The following RELL1 variants were observed in gnomAD, a reference collection of about 807,000 sequenced individuals.
RELL1 encodes RELT like 1, also known as RELT-like protein 1.
A neutral mutation model predicts 23.0 loss-of-function variants in RELL1; 10 were observed. The observed-to-expected ratio is 0.43, with a 90% CI of 0.27 to 0.74. The LOEUF is 0.74. Ranked by LOEUF, RELL1 falls within the 30% of genes least tolerant of loss-of-function variation. The pLI is 0.19. For synonymous variants in RELL1, 146 were observed against 146.8 expected (o/e 0.99, Z 0.04); for missense variants, 315 against 364.4 (o/e 0.86, Z 1.10).
At chr4:37,666,513 T>C (rs1218505017) in intron 1 of RELL1, among the ~76,000 whole-genome samples, 2 of 152,234 alleles carry the variant, frequency 1.3e-5, no homozygotes, top group African/African-American at 4.8e-5. Flanking sequence ...ACTTGATAAA[T>C]GCTAGCCATT....
intron 6 of RELL1, among the ~76,000 whole-genome samples, chr4:37,601,216 A>AT (rs1181708916): frequency 6.6e-6 from 1 of 152,198 alleles, no homozygotes; most frequent in Non-Finnish European, 1.5e-5. Context: ...TTCGAATGTT[A>AT]TAAACAATAT....
At chr4:37,640,094 T>C (rs984957070) in intron 3 of RELL1, among the ~76,000 whole-genome samples, 5 of 152,198 alleles carry the variant, frequency 3.3e-5, no homozygotes, top group Non-Finnish European at 7.3e-5. Flanking sequence ...CCCGATCCAA[T>C]TTTTATCTTC....
At chr4:37,592,865 C>G (rs1718685483) in intron 6 of RELL1, among the ~76,000 whole-genome samples, 1 of 152,190 alleles carries the variant, frequency 6.6e-6, no homozygotes, top group Non-Finnish European at 1.5e-5. Context: ...CTTTAACAAA[C>G]ATTTTTACAT....
chr4:37,663,887 A>C (rs1246352511), intron 1 of RELL1, among the ~76,000 whole-genome samples: 2 of 152,126 alleles, frequency 1.3e-5, no homozygotes, highest in Admixed American at 6.5e-5. Flanking sequence ...GCCCTTAAAC[A>C]CTAAGAAGCT....
At chr4:37,624,145 G>A (rs561959730) in intron 6 of RELL1, among the ~76,000 whole-genome samples, 8 of 152,258 alleles carry the variant, frequency 5.3e-5, no homozygotes, top group African/African-American at 1.4e-4. Flanking sequence ...GAAGGCGGCC[G>A]AAGGTCAGAA....
chr4:37,642,037 G>A (rs899905511), intron 3 of RELL1, among the ~76,000 whole-genome samples: 13 of 152,278 alleles, frequency 8.5e-5, no homozygotes, highest in Middle Eastern at 3.4e-3. Context: ...TCCAGGGTGG[G>A]TGCTTTTAAC....
intron 6 of RELL1, among the ~76,000 whole-genome samples, chr4:37,628,226 TTGAA>T (rs1375651231): frequency 6.6e-6 from 1 of 152,162 alleles, no homozygotes; most frequent in Non-Finnish European, 1.5e-5. Flanking sequence ...TTGGACCCAG[TTGAA>T]TGAAGTCTGT....
intron 4 of RELL1, among the ~76,000 whole-genome samples, chr4:37,636,349 A>G (rs925711432): frequency 1.5e-4 from 23 of 152,186 alleles, no homozygotes; most frequent in African/African-American, 5.3e-4. Flanking sequence ...TAATCCCAGC[A>G]CTTTGGGAAG....
At chr4:37,627,260 GA>G (rs1719985221) in intron 6 of RELL1, among the ~76,000 whole-genome samples, 1 of 152,188 alleles carries the variant, frequency 6.6e-6, no homozygotes, top group African/African-American at 2.4e-5. Context: ...TGGAACAAAA[GA>G]GGGCAGACTT....
chr4:37,651,999 C>T (rs566973619), intron 1 of RELL1, among the ~76,000 whole-genome samples: 74 of 152,288 alleles, frequency 4.9e-4, no homozygotes, highest in Admixed American at 1.3e-3. Flanking sequence ...CCAAGCAGGG[C>T]GTCGAGGCTG....
rs1183120605 is a variant in RELL1, at chr4:37,632,084, GAAAAAA to G, written c.681-567_681-562del. 9.9e-4 allele frequency among the ~76,000 whole-genome samples: 44 copies of G among 44,462 alleles called. 1 individual carries two copies. The highest frequency in any genetic ancestry group is 4.3e-3 in the African/African-American group (44 of 10,332). 29.2% of individuals were successfully genotyped at this position (44,462 alleles called of 152,430 possible). A position where few individuals can be genotyped will look rare whatever the true frequency, so the allele number is the denominator to read the frequency against. On this transcript the variant is annotated intron_variant, in intron 5 of 6. Transcript: ENST00000454158. ...CAGAGCTAGACCCTGTCTCAATAAG[GAAAAAA>G]AAAAAAAAAAAAAAAAAAACACCTC...
rs367802151 is a variant in RELL1 at position 37,681,774 on chromosome 4, G to A, written c.88+4426C>T. Among the ~76,000 whole-genome samples, 16 of 152,068 alleles carry A rather than the reference G, an allele frequency of 1.1e-4. No homozygotes were observed. In the East Asian group the frequency reaches 1.2e-3, roughly 11 times the overall value. On this transcript the variant is annotated intron_variant, in intron 1 of 6. Transcript: ENST00000454158. ...GAACTCCTGACCTCGTGATCTGCCC[G>A]CCTTGGCCTCCCAAAGTGCTGCGAT... is the stretch of plus-strand genomic sequence containing the variant.
intron 1 of RELL1, among the ~76,000 whole-genome samples, chr4:37,668,991 A>C (rs10025278): frequency 6.8e-5 from 9 of 132,534 alleles, no homozygotes; most frequent in Middle Eastern, 4.5e-3. Flanking sequence ...CAGCCGCCCC[A>C]TCCAGGAGAG....
At chr4:37,647,468 G>C in intron 2 of RELL1, 29 bp from the exon 3 acceptor site, 1 of 1,463,062 alleles carries the variant, frequency 6.8e-7, no homozygotes, top group Non-Finnish European at 9.6e-7. Context: ...GGGGAGAACA[G>C]GTTACAATTG....
exon 7 of RELL1, chr4:37,590,934 G>C (rs535638130): frequency 6.2e-7 from 1 of 1,614,070 alleles, no homozygotes; most frequent in Admixed American, 1.7e-5. Flanking sequence ...AGGATGCAGC[G>C]GTGGCGGAGG....
intron 1 of RELL1, among the ~76,000 whole-genome samples, chr4:37,653,333 AGTATTGAAACCTCAATAC>A: frequency 1.7e-5 from 2 of 116,370 alleles, no homozygotes; most frequent in Non-Finnish European, 3.6e-5. Context: ...CCTCAATACA[AGTATTGAAACCTCAATAC>A]AAGTATTGAA....
chr4:37,680,219 T>C (rs983766158), intron 1 of RELL1, among the ~76,000 whole-genome samples: 2 of 152,208 alleles, frequency 1.3e-5, no homozygotes, highest in Non-Finnish European at 2.9e-5. Flanking sequence ...ATAACAAGAA[T>C]ATGAAATTGA....
At chr4:37,686,103 A>G in intron 1 of RELL1, 97 bp downstream of exon 1, 1 of 1,040,300 alleles carries the variant, frequency 9.6e-7, no homozygotes, top group Middle Eastern at 2.3e-4. Context: ...GCCAGAAAGC[A>G]GGACGCCGCG....
In RELL1 at chr4:37,596,736, A is replaced by ATTTTTTT. The variant is rs1178565372; in HGVS notation, c.*4-5526_*4-5520dup. On this transcript the variant is annotated intron_variant, in intron 6 of 6. Transcript: ENST00000314117. ...TATATATATATATATATATATATAT[A>ATTTTTTT]TTTTTTTTTTTTTTTTTTTTTTTTT... is the stretch of plus-strand genomic sequence containing the variant. Among the ~76,000 whole-genome samples, 3 of 16,508 alleles carry ATTTTTTT rather than the reference A, an allele frequency of 1.8e-4. 1 individual carries two copies. Among genetic ancestry groups the ATTTTTTT allele is most frequent in the Non-Finnish European group, 3.0e-4 (2 of 6,662 alleles). 10.8% of individuals were successfully genotyped at this position (16,508 alleles called of 152,430 possible).
Sources: gnomAD v4.1 joint callset for allele counts (sites outside exome capture counted in the v4.1 genomes callset) on GRCh38, gnomAD v4.1.1 for gene constraint, MANE v1.5 for transcripts, NCBI Gene and HGNC (gene_info 2026-07-23, HGNC 2026-07-21) for gene names.